The following HSF2 variants were observed in gnomAD, a reference collection of about 807,000 sequenced individuals.
HSF2 encodes heat shock transcription factor 2.
HSF2 carries 21 observed loss-of-function variants against 65.0 expected under a neutral mutation model. The observed-to-expected ratio is 0.32, with a 90% CI of 0.23 to 0.47. The LOEUF is 0.47. Among genes scored for constraint, HSF2 ranks in the 20% least tolerant of loss-of-function variants. The pLI, the probability that HSF2 is intolerant of heterozygous loss-of-function variation, is 1.00. For missense variants in HSF2, 499 were observed against 628.1 expected (o/e 0.79, Z 2.20); for synonymous variants, 225 against 219.1 (o/e 1.03, Z -0.24).
intron 1 of HSF2, among the ~76,000 whole-genome samples, chr6:122,404,475 G>T (rs1181130405): frequency 6.6e-6 from 1 of 152,126 alleles, no homozygotes; most frequent in Non-Finnish European, 1.5e-5. Context: ...AGAGTAGCTG[G>T]TGCATATTAA....
chr6:122,424,259 T>TA (rs2114450360), intron 10 of HSF2, among the ~76,000 whole-genome samples: 1 of 152,198 alleles, frequency 6.6e-6, no homozygotes, highest in South Asian at 2.1e-4. Context: ...CCACCTTTCT[T>TA]ACTCTATTCT....
intron 1 of HSF2, among the ~76,000 whole-genome samples, chr6:122,404,045 T>A (rs1366952406): frequency 6.6e-6 from 1 of 152,218 alleles, no homozygotes; most frequent in Non-Finnish European, 1.5e-5. Flanking sequence ...TTTGTCTCTG[T>A]TCTTCAGATT....
intron 1 of HSF2, among the ~76,000 whole-genome samples, chr6:122,408,012 T>C (rs1292770114): frequency 1.3e-5 from 2 of 152,042 alleles, no homozygotes; most frequent in Non-Finnish European, 2.9e-5. Flanking sequence ...TCTTATCTTA[T>C]AAGGACACCA....
At chr6:122,416,156 A>T in intron 4 of HSF2, 65 bp from the exon 5 acceptor site, 1 of 951,420 alleles carries the variant, frequency 1.1e-6, no homozygotes. Flanking sequence ...TTAATTAAAG[A>T]TACTATGGTC....
rs1176337443 is a variant in HSF2 at position 122,431,980 on chromosome 6, C to A, written c.1371C>A (p.Asn457Lys). Residue 457 changes from asparagine to lysine, a missense_variant, in exon 13 of 13, where the codon AAC (asparagine) becomes AAA (lysine). Physicochemically the swap from Asn to Lys is moderately conservative, Grantham distance 94. Around this residue, in one of 2 missense-constraint regions of HSF2, gnomAD observed 349 missense variants for 393.5 expected, o/e 0.89. Coordinates refer to ENST00000368455, the MANE Select transcript of HSF2 (RefSeq NM_004506.4). ...AFPLLAFLDGNPASSVEQAST... is the reference protein window; with the variant it reads ...AFPLLAFLDGKPASSVEQAST... ...CACTTCTTGCATTCCTCGATGGGAA[C>A]CCTGCTTCTTCTGTTGAACAGGCGA... is the stretch of plus-strand genomic sequence containing the variant. 1 of 1,613,930 alleles carries A rather than the reference C, an allele frequency of 6.2e-7. No homozygotes were observed. Among genetic ancestry groups the A allele is most frequent in the East Asian group, 2.2e-5 (1 of 44,876 alleles).
intron 1 of HSF2, among the ~76,000 whole-genome samples, chr6:122,401,446 C>A (rs962434904): frequency 1.3e-5 from 2 of 152,148 alleles, no homozygotes; most frequent in African/African-American, 4.8e-5. Flanking sequence ...TATATATTGG[C>A]AGTTGCTTTT....
intron 5 of HSF2, 41 bp from the exon 6 acceptor site, chr6:122,419,127 T>A (rs764359631): frequency 2.1e-6 from 2 of 938,706 alleles, no homozygotes; most frequent in Non-Finnish European, 3.4e-6. Flanking sequence ...ACAAAAGAAT[T>A]AACAGTATAA....
At chr6:122,428,219 T>A (rs1774380024) in intron 11 of HSF2, among the ~76,000 whole-genome samples, 1 of 152,042 alleles carries the variant, frequency 6.6e-6, no homozygotes, top group Non-Finnish European at 1.5e-5. Flanking sequence ...TGACTAAACT[T>A]GGTATATTGA....
chr6:122,409,382 A>C (rs1015696168), intron 1 of HSF2, among the ~76,000 whole-genome samples: 10 of 152,010 alleles, frequency 6.6e-5, no homozygotes, highest in Non-Finnish European at 1.5e-5. Flanking sequence ...CAGTCGAGTG[A>C]GGGAACCAAA....
chr6:122,425,555 A>G (rs545252265), intron 10 of HSF2, among the ~76,000 whole-genome samples: 4 of 152,202 alleles, frequency 2.6e-5, no homozygotes, highest in African/African-American at 9.6e-5. Flanking sequence ...GAAATAATTA[A>G]CACTATTATT....
At chr6:122,426,542 G>A (rs956206381) in intron 10 of HSF2, among the ~76,000 whole-genome samples, 6 of 152,046 alleles carry the variant, frequency 3.9e-5, no homozygotes, top group Non-Finnish European at 8.8e-5. Flanking sequence ...AACTGGCAGA[G>A]ATTGATTATT....
At position 122,399,668 on chromosome 6, in the gene HSF2, T is replaced by TGCCGTAGCTGCG. The variant is rs1562194968; in HGVS notation, c.-59_-58insGGCCGTAGCTGC. 14 of 1,238,826 alleles carry TGCCGTAGCTGCG rather than the reference T, an allele frequency of 1.1e-5. No individual in the cohort carries two copies. Among genetic ancestry groups the TGCCGTAGCTGCG allele is most frequent in the Non-Finnish European group, 4.7e-6 (4 of 855,022 alleles). 76.7% of individuals were successfully genotyped at this position (1,238,826 alleles called of 1,614,324 possible). On this transcript the variant is annotated 5_prime_UTR_variant, in exon 1 of 13. Transcript: ENST00000368455. ...GTTGTGGGCGTTCTCGGGGAGCTGCTGCCGTAGCTGCCGCCGCCGCTACCA... is the reference window on the plus strand; with the variant it reads ...GTTGTGGGCGTTCTCGGGGAGCTGCTGCCGTAGCTGCGGCCGTAGCTGCCGCCGCCGCTACCA...
At chr6:122,413,437 T>A in intron 3 of HSF2, 88 bp from the exon 4 acceptor site, 1 of 930,888 alleles carries the variant, frequency 1.1e-6, no homozygotes, top group South Asian at 1.7e-5. Flanking sequence ...CTGAACAGGC[T>A]ACGAAAACCT....
chr6:122,422,433 C>T (rs1446675155), intron 8 of HSF2, 135 bp downstream of exon 8: 2 of 787,226 alleles, frequency 2.5e-6, no homozygotes, highest in Non-Finnish European at 4.1e-6. Context: ...GATAATTAAG[C>T]TAAATTATTC....
chr6:122,432,729 A>T lies in HSF2; in HGVS notation c.*509A>T, dbSNP rs1050779782. ...TTCATTTGTTTCTTTTGGTTCAGAG[A>T]AGTTCATTTATGTTCAAAGACGTTT... On this transcript the variant is annotated 3_prime_UTR_variant, in exon 13 of 13. Transcript: ENST00000368455. 1.3e-5 allele frequency: 2 copies of T among 153,500 alleles called. No individual in the cohort carries two copies. Among genetic ancestry groups the T allele is most frequent in the African/African-American group, 4.8e-5 (2 of 41,428 alleles). The allele number at this position is 153,500 out of a possible 1,614,324, so 9.5% of individuals were successfully genotyped here.
At chr6:122,401,501 G>A (rs1489125724) in intron 1 of HSF2, among the ~76,000 whole-genome samples, 2 of 152,144 alleles carry the variant, frequency 1.3e-5, no homozygotes, top group Non-Finnish European at 2.9e-5. Flanking sequence ...ATTCTGATTA[G>A]CAACAGTGTT....
At chr6:122,405,256 TA>T (rs367766925) in intron 1 of HSF2, among the ~76,000 whole-genome samples, 2,016 of 123,676 alleles carry the variant, frequency 0.016, 17 homozygotes, top group African/African-American at 0.033. Context: ...CCCTGTCTCT[TA>T]AAAAAAAAAA....
In HSF2 at chr6:122,399,791, G is replaced by C. The variant is rs1394294140; in HGVS notation, c.54G>C (p.Val18=). ...PAFLSKLWTL[V]EETHTNEFIT... ...TCCTCAGCAAGCTGTGGACGCTTGT[G>C]GAGGAAACCCACACTAACGAGTTCA... Residue 18 remains valine (V), a synonymous_variant, in exon 1 of 13, where the codon GTG becomes GTC. Coordinates refer to ENST00000368455, the MANE Select transcript of HSF2 (RefSeq NM_004506.4). 6.2e-6 allele frequency: 10 copies of C among 1,612,234 alleles called. No individual in the cohort carries two copies. Among genetic ancestry groups the C allele is most frequent in the Non-Finnish European group, 8.5e-6 (10 of 1,179,350 alleles).
At chr6:122,416,877 C>T (rs1413142060) in intron 5 of HSF2, among the ~76,000 whole-genome samples, 1 of 152,082 alleles carries the variant, frequency 6.6e-6, no homozygotes, top group Admixed American at 6.6e-5. Context: ...TCATTGTGTC[C>T]TTGTGATTTA....
Sources: gnomAD v4.1 joint callset for allele counts (sites outside exome capture counted in the v4.1 genomes callset) on GRCh38, gnomAD v4.1.1 for gene constraint, gnomAD v4.1.1 regional missense constraint, MANE v1.5 for transcripts, NCBI Gene and HGNC (gene_info 2026-07-23, HGNC 2026-07-21) for gene names.